The following ZMYM5 variants were observed in gnomAD, a reference collection of about 807,000 sequenced individuals.
ZMYM5 encodes zinc finger MYM-type containing 5.
Under a neutral mutation model 61.8 loss-of-function variants are expected in ZMYM5, and 41 were observed. The ratio of observed to expected loss-of-function variants is 0.66; its 90% CI spans 0.52 to 0.86. ZMYM5 has a LOEUF of 0.86. Ranked by LOEUF, ZMYM5 falls within the 40% of genes least tolerant of loss-of-function variation. The pLI, the probability that ZMYM5 is intolerant of heterozygous loss-of-function variation, is 0.00. For synonymous variants in ZMYM5, 257 were observed against 276.4 expected (o/e 0.93, Z 0.70); for missense variants, 706 against 786.7 (o/e 0.90, Z 1.23).
intron 2 of ZMYM5, among the ~76,000 whole-genome samples, chr13:19,861,428 A>T (rs947546527): frequency 6.6e-6 from 1 of 152,194 alleles, no homozygotes; most frequent in African/African-American, 2.4e-5. Context: ...GTTGGATGAC[A>T]GGCATGAGCC....
At chr13:19,829,927 A>G (rs1376873318) in intron 7 of ZMYM5, among the ~76,000 whole-genome samples, 1 of 152,102 alleles carries the variant, frequency 6.6e-6, no homozygotes, top group Non-Finnish European at 1.5e-5. Flanking sequence ...CATGCTCACC[A>G]TACACACTCA....
intron 7 of ZMYM5, among the ~76,000 whole-genome samples, chr13:19,826,993 G>A (rs1890948776): frequency 6.6e-6 from 1 of 152,164 alleles, no homozygotes; most frequent in East Asian, 1.9e-4. Flanking sequence ...TAGTTGCGAA[G>A]TACTTGTGTG....
At chr13:19,834,134 G>A (rs117481180) in intron 7 of ZMYM5, among the ~76,000 whole-genome samples, 14,945 of 152,168 alleles carry the variant, frequency 0.098, 853 homozygotes, top group African/African-American at 0.16. Context: ...CAGCCACCAT[G>A]CCCGGCTTAT....
In ZMYM5 at chr13:19,823,667, T is replaced by C. The variant is rs1289653845; in HGVS notation, c.*810A>G. 1 of 152,126 alleles carries C rather than the reference T, an allele frequency of 6.6e-6. No homozygotes were observed. The highest frequency in any genetic ancestry group is 2.4e-5 in the African/African-American group (1 of 41,448). The allele number at this position is 152,126 out of a possible 1,614,324, so 9.4% of individuals were successfully genotyped here. A position where few individuals can be genotyped will look rare whatever the true frequency, so the allele number is the denominator to read the frequency against. Reference sequence around the variant, plus strand: ...TGCTGTTTTGCTCAAACAAAGTAGATCACAAGTATTTGGTTTAATAGCAAA... The same window carrying C: ...TGCTGTTTTGCTCAAACAAAGTAGACCACAAGTATTTGGTTTAATAGCAAA... On this transcript the variant is annotated 3_prime_UTR_variant, in exon 8 of 8. Coordinates refer to ENST00000337963, the MANE Select transcript of ZMYM5 (RefSeq NM_001142684.2).
chr13:19,840,994 CTTT>C (rs377117105), intron 4 of ZMYM5, among the ~76,000 whole-genome samples: 13 of 136,740 alleles, frequency 9.5e-5, no homozygotes, highest in Non-Finnish European at 1.1e-4. Context: ...CCACTTTTTA[CTTT>C]TTTTTTTTTT....
In ZMYM5 at chr13:19,825,158, T is replaced by C. The variant is rs930525149; in HGVS notation, c.1329A>G (p.Lys443=). The C allele has an allele frequency of 3.0e-6, 4 of 1,315,520 alleles. No individual in the cohort carries two copies. Among genetic ancestry groups the C allele is most frequent in the Middle Eastern group, 2.1e-4 (1 of 4,696 alleles). The allele number at this position is 1,315,520 out of a possible 1,614,324, so 81.5% of individuals were successfully genotyped here. ...KRNAFREENE[K]QLYGSSNTLL... ...GTGTATTTGACGATCCATATAATTG[T>C]TTCTCATTTTCTTCTCTAAAAGCAT... is the stretch of plus-strand genomic sequence containing the variant. Residue 443 remains lysine, a synonymous_variant, in exon 8 of 8, where the codon AAA becomes AAG. Coordinates refer to ENST00000337963, the MANE Select transcript of ZMYM5 (RefSeq NM_001142684.2).
intron 5 of ZMYM5, among the ~76,000 whole-genome samples, chr13:19,838,201 A>C (rs1952736335): frequency 2.6e-5 from 4 of 152,094 alleles, no homozygotes; most frequent in Admixed American, 2.6e-4. Context: ...AAATGATGAA[A>C]CCCTGTCTCT....
Position 19,840,958 on chromosome 13 carries a change from T to C in ZMYM5, c.587-1973A>G, listed in dbSNP as rs911758243. Among the ~76,000 whole-genome samples the C allele has an allele frequency of 6.0e-5, 9 of 151,246 alleles. No individual in the cohort carries two copies. The East Asian group carries it at 1.2e-3, about 20-fold the overall frequency. The stretch of plus-strand genomic sequence containing the variant: ...CCCCAAAGTGCTGGGATTACAGGCC[T>C]GAGCCACCGCGCCCGGCCCACCTGG... On this transcript the variant is annotated intron_variant, in intron 4 of 7. Transcript: ENST00000337963.
intron 4 of ZMYM5, among the ~76,000 whole-genome samples, chr13:19,846,953 GA>G (rs1376053733): frequency 6.6e-6 from 1 of 151,844 alleles, no homozygotes. Flanking sequence ...TAAACAGTAT[GA>G]AAAAAATTTT....
At chr13:19,839,519 GCTGGGATTACCC>G (rs1952789634) in intron 4 of ZMYM5, among the ~76,000 whole-genome samples, 1 of 151,986 alleles carries the variant, frequency 6.6e-6, no homozygotes, top group Non-Finnish European at 1.5e-5. Context: ...CTCCCGAGTA[GCTGGGATTACCC>G]AGCTAAATTT....
Position 19,838,756 on chromosome 13 carries a change from G to A in ZMYM5, c.816C>T (p.Cys272=). ...GSAHLFCSTT[C]LSSFSHKRTQ... is the part of the protein sequence containing the mutation. ...TACGTTTATGAGAGAAGGAAGAAAG[G>A]CAGGTGGTAGAGCAAAAGAGGTGAG... The change falls in exon 5 of 8, where the codon TGC becomes TGT. Residue 272 remains cysteine (C), a synonymous_variant. Coordinates refer to ENST00000337963, the MANE Select transcript of ZMYM5 (RefSeq NM_001142684.2). 1 of 1,614,194 alleles carries A rather than the reference G, an allele frequency of 6.2e-7. No individual in the cohort carries two copies. Among genetic ancestry groups the A allele is most frequent in the East Asian group, 2.2e-5 (1 of 44,884 alleles).
At chr13:19,856,962 C>T (rs1174706719) in intron 2 of ZMYM5, among the ~76,000 whole-genome samples, 13 of 151,860 alleles carry the variant, frequency 8.6e-5, no homozygotes, top group African/African-American at 1.2e-4. Flanking sequence ...AAAAATTAGC[C>T]GGGTGTGGTG....
At chr13:19,851,558 G>C in intron 3 of ZMYM5, 110 bp from the exon 4 acceptor site, 1 of 1,539,894 alleles carries the variant, frequency 6.5e-7, no homozygotes, top group Non-Finnish European at 8.9e-7. Context: ...TGTTTTATAT[G>C]TAATAATTAT....
rs763629828 is a variant in ZMYM5 at position 19,837,752 on chromosome 13, A to G, written c.942T>C (p.Tyr314=). Reference sequence around the variant, plus strand: ...CACAGGGAGACAAACAAGATGTACTATAAAATTCTTGGAAGGATTTGCTTG... The same window carrying G: ...CACAGGGAGACAAACAAGATGTACTGTAAAATTCTTGGAAGGATTTGCTTG... ...VESSKSFQEF[Y]STSCLSPCEN... is the part of the protein sequence containing the mutation. The change falls in exon 6 of 8, where the codon TAT becomes TAC. Residue 314 remains tyrosine, a synonymous_variant. Coordinates refer to ENST00000337963, the MANE Select transcript of ZMYM5 (RefSeq NM_001142684.2). The G allele has an allele frequency of 3.1e-6, 5 of 1,587,306 alleles. No individual in the cohort carries two copies. The highest frequency in any genetic ancestry group is 4.3e-6 in the Non-Finnish European group (5 of 1,173,902).
At chr13:19,835,407 C>T (rs891440532) in intron 7 of ZMYM5, 70 bp downstream of exon 7, 17 of 1,045,344 alleles carry the variant, frequency 1.6e-5, no homozygotes, top group Admixed American at 5.1e-5. Flanking sequence ...AAGATAAATC[C>T]GGTTCATGTA....
chr13:19,838,119 G>A (rs983382284), intron 5 of ZMYM5, among the ~76,000 whole-genome samples: 5 of 152,192 alleles, frequency 3.3e-5, no homozygotes, highest in African/African-American at 1.2e-4. Context: ...GCTCACACCT[G>A]TAATTCCAGC....
chr13:19,860,751 TA>T (rs1337421252), intron 2 of ZMYM5, among the ~76,000 whole-genome samples: 1 of 150,634 alleles, frequency 6.6e-6, no homozygotes, highest in East Asian at 2.0e-4. Flanking sequence ...ACTTCTAATA[TA>T]AAAAGAACTG....
intron 4 of ZMYM5, among the ~76,000 whole-genome samples, chr13:19,844,130 T>TC (rs1952993044): frequency 2.4e-5 from 3 of 124,808 alleles, no homozygotes; most frequent in African/African-American, 9.9e-5. Flanking sequence ...AGAGTGAGAC[T>TC]CCGTCTCAAA....
chr13:19,855,458 TTCACCGTGTTAGCCAGG>T (rs1490649745), intron 2 of ZMYM5, among the ~76,000 whole-genome samples: 1 of 151,670 alleles, frequency 6.6e-6, no homozygotes, highest in Non-Finnish European at 1.5e-5. Flanking sequence ...GAGACGGGGT[TTCACCGTGTTAGCCAGG>T]ATGGTCTCAA....
Sources: gnomAD v4.1 joint callset for allele counts (sites outside exome capture counted in the v4.1 genomes callset) on GRCh38, gnomAD v4.1.1 for gene constraint, MANE v1.5 for transcripts, NCBI Gene and HGNC (gene_info 2026-07-23, HGNC 2026-07-21) for gene names.